ARL15: variants seen among roughly 807,000 people sequenced by gnomAD.
The protein encoded by ARL15 is ADP-ribosylation factor-like protein 15.
Under a neutral mutation model 25.2 loss-of-function variants are expected in ARL15, and 19 were observed. That is an observed-to-expected ratio of 0.75 (90% CI 0.53 to 1.10). The LOEUF (loss-of-function observed/expected upper bound fraction) is 1.10. ARL15 is among the 50% of genes least tolerant of loss of function. ARL15 has a pLI of 0.00. For missense variants in ARL15, 220 were observed against 246.0 expected (o/e 0.89, Z 0.71); for synonymous variants, 94 against 86.8 (o/e 1.08, Z -0.46).
intron 4 of ARL15, among the ~76,000 whole-genome samples, chr5:54,003,398 A>G (rs1292767163): frequency 6.6e-6 from 1 of 152,242 alleles, no homozygotes; most frequent in African/African-American, 2.4e-5. Flanking sequence ...GGTGACATTT[A>G]TCAGCCAGCC....
intron 1 of ARL15, among the ~76,000 whole-genome samples, chr5:54,202,536 A>T (rs1365426665): frequency 2.0e-5 from 3 of 152,174 alleles, no homozygotes; most frequent in Admixed American, 1.3e-4. Context: ...AATCTCCTCT[A>T]AAGGAATGCA....
At chr5:53,957,543 T>G (rs1232556289) in intron 4 of ARL15, among the ~76,000 whole-genome samples, 1 of 152,060 alleles carries the variant, frequency 6.6e-6, no homozygotes, top group Non-Finnish European at 1.5e-5. Flanking sequence ...CCGTTAAAAG[T>G]AACCAAATGG....
intron 3 of ARL15, among the ~76,000 whole-genome samples, chr5:54,143,709 ATCTT>A (rs1473651798): frequency 6.8e-6 from 1 of 147,828 alleles, no homozygotes; most frequent in Non-Finnish European, 1.5e-5. Flanking sequence ...TTCTTAAAAA[ATCTT>A]TATGCTTTAA....
intron 4 of ARL15, among the ~76,000 whole-genome samples, chr5:54,055,009 C>T (rs937317262): frequency 6.6e-6 from 1 of 152,068 alleles, no homozygotes; most frequent in Non-Finnish European, 1.5e-5. Context: ...ATTCACATAC[C>T]ACACAATTTA....
chr5:54,125,075 G>GTT lies in ARL15; in HGVS notation c.254-11667_254-11666dup, dbSNP rs774608441. ...TTCTGGTAAGCAAGTTTTTTGTTTT[G>GTT]TTTTGTTTTGTTTTTTTTTTTTTTG... On this transcript the variant is annotated intron_variant, in intron 3 of 4. Coordinates refer to ENST00000504924, the MANE Select transcript of ARL15 (RefSeq NM_019087.3). Among the ~76,000 whole-genome samples, 896 of 134,700 alleles carry GTT rather than the reference G, an allele frequency of 6.7e-3. 18 individuals are homozygous for GTT. Among genetic ancestry groups the GTT allele is most frequent in the South Asian group, 0.019 (83 of 4,286 alleles). The allele number at this position is 134,700 out of a possible 152,430, so 88.4% of individuals were successfully genotyped here.
intron 4 of ARL15, among the ~76,000 whole-genome samples, chr5:54,066,216 G>C (rs1322870612): frequency 6.6e-6 from 1 of 152,080 alleles, no homozygotes; most frequent in African/African-American, 2.4e-5. Flanking sequence ...AGACCACATG[G>C]AACTAGAAAG....
chr5:54,126,859 TA>T (rs1753269440), intron 3 of ARL15, among the ~76,000 whole-genome samples: 1 of 152,010 alleles, frequency 6.6e-6, no homozygotes, highest in South Asian at 2.1e-4. Flanking sequence ...TTTATTTTAT[TA>T]TTATTATACT....
At chr5:54,151,064 T>C (rs1281467192) in intron 3 of ARL15, among the ~76,000 whole-genome samples, 1 of 152,078 alleles carries the variant, frequency 6.6e-6, no homozygotes, top group East Asian at 1.9e-4. Flanking sequence ...TCATGTCTGG[T>C]GTTATCTTAT....
At chr5:53,993,567 C>CTT (rs1027153069) in intron 4 of ARL15, among the ~76,000 whole-genome samples, 1 of 152,116 alleles carries the variant, frequency 6.6e-6, no homozygotes, top group Non-Finnish European at 1.5e-5. Flanking sequence ...CTTTCTGCAC[C>CTT]TTTTACCTTG....
rs186933778 is a variant in ARL15, at chr5:54,022,464, C to A, written c.462+90738G>T. Among the ~76,000 whole-genome samples, 4 of 152,126 alleles carry A rather than the reference C, an allele frequency of 2.6e-5. No homozygotes were observed. The East Asian group carries it at 7.8e-4, about 30-fold the overall frequency. On this transcript the variant is annotated intron_variant, in intron 4 of 4. Coordinates refer to ENST00000504924, the MANE Select transcript of ARL15 (RefSeq NM_019087.3). ...CAGAAGAAATGCAATTGCTTTGAGC[C>A]CCCCTCTCTATAATCTTATCAAACA...
chr5:54,181,228 T>C (rs1755046430), intron 1 of ARL15, among the ~76,000 whole-genome samples: 1 of 152,148 alleles, frequency 6.6e-6, no homozygotes, highest in African/African-American at 2.4e-5. Context: ...ATGTTTCTTT[T>C]AAAAAAATCT....
chr5:53,921,316 C>T (rs1745854795), intron 4 of ARL15, among the ~76,000 whole-genome samples: 1 of 152,174 alleles, frequency 6.6e-6, no homozygotes, highest in African/African-American at 2.4e-5. Flanking sequence ...ATGTTCTTAC[C>T]TATGGGTATA....
chr5:54,247,753 T>C (rs1757128084), intron 1 of ARL15, among the ~76,000 whole-genome samples: 1 of 152,162 alleles, frequency 6.6e-6, no homozygotes, highest in Non-Finnish European at 1.5e-5. Flanking sequence ...ATTTTTGATG[T>C]GTATAGAACA....
intron 4 of ARL15, among the ~76,000 whole-genome samples, chr5:53,923,183 C>T (rs1745909707): frequency 1.3e-5 from 2 of 152,110 alleles, no homozygotes; most frequent in Admixed American, 1.3e-4. Flanking sequence ...CAATGGCTGC[C>T]ATTGGTAAGG....
intron 4 of ARL15, among the ~76,000 whole-genome samples, chr5:53,935,637 G>C (rs1332267007): frequency 6.6e-6 from 1 of 152,352 alleles, no homozygotes; most frequent in Non-Finnish European, 1.5e-5. Context: ...GTAAACCTGG[G>C]AGTGTGGAGC....
At chr5:53,991,205 G>A (rs777393352) in intron 4 of ARL15, among the ~76,000 whole-genome samples, 1 of 152,094 alleles carries the variant, frequency 6.6e-6, no homozygotes, top group Non-Finnish European at 1.5e-5. Context: ...AAAGGGAGCC[G>A]GGGCATGGTG....
At chr5:53,895,596 A>G (rs548653683) in intron 4 of ARL15, among the ~76,000 whole-genome samples, 1 of 152,276 alleles carries the variant, frequency 6.6e-6, no homozygotes, top group African/African-American at 2.4e-5. Flanking sequence ...TGCAGTTTTG[A>G]AAAGGAATAT....
intron 4 of ARL15, among the ~76,000 whole-genome samples, chr5:53,949,917 T>C (rs1327351774): frequency 6.6e-6 from 1 of 152,138 alleles, no homozygotes; most frequent in African/African-American, 2.4e-5. Flanking sequence ...AACAAATGCA[T>C]ATGAAGAAGG....
chr5:54,306,315 C>T (rs527954335), intron 1 of ARL15, among the ~76,000 whole-genome samples: 2 of 151,882 alleles, frequency 1.3e-5, no homozygotes, highest in East Asian at 3.9e-4. Flanking sequence ...AAAGGTATTT[C>T]AATACCACTA....
Sources: allele counts gnomAD v4.1 joint callset (sites outside exome capture counted in the v4.1 genomes callset), GRCh38; gene constraint gnomAD v4.1.1; transcripts MANE v1.5; gene names NCBI Gene and HGNC (gene_info 2026-07-23, HGNC 2026-07-21).